Variants in HOXC12 observed in about 807,000 individuals in gnomAD.
HOXC12 encodes homeobox C12.
A neutral mutation model predicts 20.9 loss-of-function variants in HOXC12; 24 were observed. That is an observed-to-expected ratio of 1.15 (90% CI 0.83 to 1.61). HOXC12 has a LOEUF of 1.61. Ranked by LOEUF, HOXC12 falls within the 40% of genes most tolerant of loss-of-function variation. The probability of loss-of-function intolerance (pLI) is 0.00; values close to 1 mark genes in which losing one functional copy is unlikely to be tolerated. For missense variants in HOXC12, 436 were observed against 406.9 expected (o/e 1.07, Z -0.62); for synonymous variants, 202 against 197.7 (o/e 1.02, Z -0.18).
chr12:53,956,456 C>A lies in HOXC12; in HGVS notation c.739C>A (p.Leu247Ile), dbSNP rs757783848. 1.2e-6 allele frequency: 2 copies of A among 1,614,226 alleles called. No homozygotes were observed. The highest frequency in any genetic ancestry group is 2.2e-5 in the South Asian group (2 of 91,078). The change falls in exon 2 of 2, where the codon CTC becomes ATC. Residue 247 changes from leucine (L) to isoleucine (I), a missense_variant. Coordinates refer to ENST00000243103, the MANE Select transcript of HOXC12 (RefSeq NM_173860.3). ...EFITRQRRRE[L>I]SDRLNLSDQQ... ...CATCACACGCCAGCGCCGGAGGGAACTCTCAGACCGCTTGAATCTTAGTGA... is the reference window on the plus strand; with the variant it reads ...CATCACACGCCAGCGCCGGAGGGAAATCTCAGACCGCTTGAATCTTAGTGA...
At position 53,957,025 on chromosome 12, in the gene HOXC12, G is replaced by T. The variant is rs1338536600; in HGVS notation, c.*459G>T. On this transcript the variant is annotated 3_prime_UTR_variant, in exon 2 of 2. Coordinates refer to ENST00000243103, the MANE Select transcript of HOXC12 (RefSeq NM_173860.3). ...CTCACAGTTCCTGGGGTTAGAAGAG[G>T]CTGGGAAGAGAGAGGAGGGTGGAGG... The T allele has an allele frequency of 1.3e-5, 2 of 153,900 alleles. No individual in the cohort carries two copies. Among genetic ancestry groups the T allele is most frequent in the Middle Eastern group, 3.1e-3 (1 of 322 alleles). 9.5% of individuals were successfully genotyped at this position (153,900 alleles called of 1,614,324 possible).
rs770848175 is a variant in HOXC12, at chr12:53,956,590, C to A, written c.*24C>A. 1 of 1,550,394 alleles carries A rather than the reference C, an allele frequency of 6.4e-7. No homozygotes were observed. Among genetic ancestry groups the A allele is most frequent in the Non-Finnish European group, 8.8e-7 (1 of 1,138,198 alleles). ...AAGGTGCAGGACACGGGCGCCAGCC[C>A]CAGACTGAGCCTGTCCCTGGCAGAG... On this transcript the variant is annotated 3_prime_UTR_variant, in exon 2 of 2. Transcript: ENST00000243103.
Position 53,956,410 on chromosome 12 carries a change from C to A in HOXC12, c.693C>A (p.Gly231=). ...AGTTGCAACTGGCAGAGCTGGAGGG[C>A]GAGTTTCTGGTCAACGAGTTCATCA... ...YSKLQLAELE[G]EFLVNEFITR... Residue 231 remains glycine (G), a synonymous_variant, in exon 2 of 2, where the codon GGC becomes GGA. Coordinates refer to ENST00000243103, the MANE Select transcript of HOXC12 (RefSeq NM_173860.3). The A allele has an allele frequency of 6.2e-7, 1 of 1,613,772 alleles. No individual in the cohort carries two copies. Among genetic ancestry groups the A allele is most frequent in the Non-Finnish European group, 8.5e-7 (1 of 1,179,866 alleles).
Position 53,955,276 on chromosome 12 carries a change from C to T in HOXC12, c.347C>T (p.Pro116Leu), listed in dbSNP as rs1368049283. ...GLKREERGRD[P>L]GAGPGAALLP... ...AAGCGTGAGGAGCGCGGGCGCGACC[C>T]GGGAGCCGGGCCCGGGGCAGCGCTG... Residue 116 changes from proline (P) to leucine (L), a missense_variant, in exon 1 of 2, where the codon CCG becomes CTG. By Grantham distance (98) the Pro-to-Leu change is moderately conservative (BLOSUM62 -3). Coordinates refer to ENST00000243103, the MANE Select transcript of HOXC12 (RefSeq NM_173860.3). 1 of 1,445,012 alleles carries T rather than the reference C, an allele frequency of 6.9e-7. No individual in the cohort carries two copies. Among genetic ancestry groups the T allele is most frequent in the African/African-American group, 1.5e-5 (1 of 67,646 alleles). The allele number at this position is 1,445,012 out of a possible 1,614,324, so 89.5% of individuals were successfully genotyped here.
rs1176589350 is a variant in HOXC12 at position 53,956,817 on chromosome 12, G to T, written c.*251G>T. The stretch of plus-strand genomic sequence containing the variant: ...CCGGCAGCTGCCTGCGGTTGGCAGG[G>T]GCAGGAAGGCTGAGGTGCTGCGGGC... On this transcript the variant is annotated 3_prime_UTR_variant, in exon 2 of 2. Transcript: ENST00000243103. 1 of 393,690 alleles carries T rather than the reference G, an allele frequency of 2.5e-6. No homozygotes were observed. The highest frequency in any genetic ancestry group is 4.5e-6 in the Non-Finnish European group (1 of 222,686). 24.4% of individuals were successfully genotyped at this position (393,690 alleles called of 1,614,324 possible).
In HOXC12 at chr12:53,958,956, A is replaced by G. The variant is rs1468269696; in HGVS notation, c.*2390A>G. ...GATAATAATAATAATTAAAACATGA[A>G]TTATGATTATGTGATTTTTTGAAAA... On this transcript the variant is annotated 3_prime_UTR_variant, in exon 2 of 2. Transcript: ENST00000243103. 6.6e-6 allele frequency: 1 copy of G among 152,212 alleles called. No homozygotes were observed. The highest frequency in any genetic ancestry group is 1.5e-5 in the Non-Finnish European group (1 of 68,036). 9.4% of individuals were successfully genotyped at this position (152,212 alleles called of 1,614,324 possible). A position where few individuals can be genotyped will look rare whatever the true frequency, so the allele number is the denominator to read the frequency against.
rs34894813 is a variant in HOXC12 at position 53,955,301 on chromosome 12, G to C, written c.372G>C (p.Leu124=). The change falls in exon 1 of 2, where the codon CTG becomes CTC. Residue 124 remains leucine, a synonymous_variant. Coordinates refer to ENST00000243103, the MANE Select transcript of HOXC12 (RefSeq NM_173860.3). The stretch of plus-strand genomic sequence containing the variant: ...CGGGAGCCGGGCCCGGGGCAGCGCT[G>C]CTCCCGCTGGAGCCGTCGGGGCCGC... ...RDPGAGPGAA[L]LPLEPSGPPA... is the part of the protein sequence containing the mutation. 7,071 of 1,397,316 alleles carry C rather than the reference G, an allele frequency of 5.1e-3. 47 individuals carry two copies. Among genetic ancestry groups the C allele is most frequent in the Non-Finnish European group, 5.9e-3 (6,375 of 1,084,722 alleles). The allele number at this position is 1,397,316 out of a possible 1,614,324, so 86.6% of individuals were successfully genotyped here.
At chr12:53,956,294 C>T (rs1174797431) in intron 1 of HOXC12, 34 bp from the exon 2 acceptor site, 5 of 1,542,890 alleles carry the variant, frequency 3.2e-6, no homozygotes, top group Non-Finnish European at 4.4e-6. Context: ...CCCTTTGATC[C>T]TTTGGCCAAC....
chr12:53,955,860 C>G (rs567390199), intron 1 of HOXC12, among the ~76,000 whole-genome samples: 1 of 152,034 alleles, frequency 6.6e-6, no homozygotes, highest in African/African-American at 2.4e-5. Flanking sequence ...GGCGCCTCTC[C>G]CTCCACCTTC....
chr12:53,956,217 C>T, intron 1 of HOXC12, 111 bp from the exon 2 acceptor site: 1 of 795,130 alleles, frequency 1.3e-6, no homozygotes. Context: ...AGAGAAAGGG[C>T]CTGGAGTCCA....
chr12:53,955,028 G>C lies in HOXC12; in HGVS notation c.99G>C (p.Gly33=). The change falls in exon 1 of 2, where the codon GGG becomes GGC. Residue 33 remains glycine (G), a synonymous_variant. Transcript: ENST00000243103. The part of the protein sequence containing the change: ...TFYFPNFRAS[G]AQLPGLPSLS... The stretch of plus-strand genomic sequence containing the variant: ...ACTTCCCCAACTTCCGCGCGTCCGG[G>C]GCGCAGCTTCCCGGGCTGCCTTCGC... The C allele has an allele frequency of 1.2e-6, 2 of 1,614,118 alleles. No individual in the cohort carries two copies. Among genetic ancestry groups the C allele is most frequent in the Non-Finnish European group, 1.7e-6 (2 of 1,180,004 alleles).
rs769953521 is a variant in HOXC12, at chr12:53,956,473, T to G, written c.756T>G (p.Asn252Lys). The G allele has an allele frequency of 6.2e-7, 1 of 1,614,196 alleles. No homozygotes were observed. The highest frequency in any genetic ancestry group is 1.6e-4 in the Middle Eastern group (1 of 6,062). Residue 252 changes from asparagine (N) to lysine (K), a missense_variant, in exon 2 of 2, where the codon AAT becomes AAG. By Grantham distance (94) the Asn-to-Lys change is moderately conservative. Transcript: ENST00000243103. ...GGAGGGAACTCTCAGACCGCTTGAATCTTAGTGACCAGCAGGTCAAGATCT... is the reference window on the plus strand; with the variant it reads ...GGAGGGAACTCTCAGACCGCTTGAAGCTTAGTGACCAGCAGGTCAAGATCT... Reference protein sequence around the residue: ...QRRRELSDRLNLSDQQVKIWF... With the variant: ...QRRRELSDRLKLSDQQVKIWF...
Position 53,955,399 on chromosome 12 carries a change from C to T in HOXC12, c.470C>T (p.Pro157Leu), listed in dbSNP as rs1238877821. 6.6e-7 allele frequency: 1 copy of T among 1,506,688 alleles called. No individual in the cohort carries two copies. Among genetic ancestry groups the T allele is most frequent in the Admixed American group, 2.1e-5 (1 of 47,982 alleles). The allele number at this position is 1,506,688 out of a possible 1,614,324, so 93.3% of individuals were successfully genotyped here. The change falls in exon 1 of 2, where the codon CCG becomes CTG. Residue 157 changes from proline (P) to leucine (L), a missense_variant. Transcript: ENST00000243103. ...GACGGCGGCGGCGGCGCAGGACCTC[C>T]GCACGACCCGCCCTCCTGCCAGTCG... ...GGDGGGGAGP[P>L]HDPPSCQSLE...
chr12:53,955,031 G>T lies in HOXC12; in HGVS notation c.102G>T (p.Ala34=), dbSNP rs1343263523. Reference sequence around the variant, plus strand: ...TCCCCAACTTCCGCGCGTCCGGGGCGCAGCTTCCCGGGCTGCCTTCGCTGT... The same window carrying T: ...TCCCCAACTTCCGCGCGTCCGGGGCTCAGCTTCCCGGGCTGCCTTCGCTGT... ...FYFPNFRASG[A]QLPGLPSLSY... Residue 34 remains alanine (A), a synonymous_variant, in exon 1 of 2, where the codon GCG becomes GCT. Transcript: ENST00000243103. The T allele has an allele frequency of 6.2e-7, 1 of 1,614,062 alleles. No homozygotes were observed. The highest frequency in any genetic ancestry group is 8.5e-7 in the Non-Finnish European group (1 of 1,179,992).
chr12:53,956,572 A>G lies in HOXC12; in HGVS notation c.*6A>G, dbSNP rs749316497. 7 of 1,596,578 alleles carry G rather than the reference A, an allele frequency of 4.4e-6. No individual in the cohort carries two copies. The highest frequency in any genetic ancestry group is 1.7e-5 in the Admixed American group (1 of 57,798). On this transcript the variant is annotated 3_prime_UTR_variant, in exon 2 of 2. Coordinates refer to ENST00000243103, the MANE Select transcript of HOXC12 (RefSeq NM_173860.3). ...AAGCTCTCTCCTTCTTTTAAGGTGC[A>G]GGACACGGGCGCCAGCCCCAGACTG...
chr12:53,955,013 C>T lies in HOXC12; in HGVS notation c.84C>T (p.Asn28=). Residue 28 remains asparagine, a synonymous_variant, in exon 1 of 2, where the codon AAC becomes AAT. Coordinates refer to ENST00000243103, the MANE Select transcript of HOXC12 (RefSeq NM_173860.3). ...CGGGAGACACCTTCTACTTCCCCAACTTCCGCGCGTCCGGGGCGCAGCTTC... is the reference window on the plus strand; with the variant it reads ...CGGGAGACACCTTCTACTTCCCCAATTTCCGCGCGTCCGGGGCGCAGCTTC... ...IHTGDTFYFP[N]FRASGAQLPG... The T allele has an allele frequency of 1.9e-6, 3 of 1,614,232 alleles. No individual in the cohort carries two copies. The highest frequency in any genetic ancestry group is 2.2e-5 in the East Asian group (1 of 44,882).
chr12:53,955,001 C>T lies in HOXC12; in HGVS notation c.72C>T (p.Phe24=), dbSNP rs759519034. 1.2e-6 allele frequency: 2 copies of T among 1,614,272 alleles called. No individual in the cohort carries two copies. The highest frequency in any genetic ancestry group is 1.7e-5 in the Admixed American group (1 of 60,030). ...TAAACATCCACACGGGAGACACCTT[C>T]TACTTCCCCAACTTCCGCGCGTCCG... is the stretch of plus-strand genomic sequence containing the variant. ...PLVNIHTGDT[F]YFPNFRASGA... The change falls in exon 1 of 2, where the codon TTC becomes TTT. Residue 24 remains phenylalanine, a synonymous_variant. Transcript: ENST00000243103.
rs1938885406 is a variant in HOXC12 at position 53,957,408 on chromosome 12, G to A, written c.*842G>A. Reference sequence around the variant, plus strand: ...CAGCAAGCAGGGACCTGAGAGCCCAGGGGACACAGCCTCAGGTTCAGTAGC... The same window carrying A: ...CAGCAAGCAGGGACCTGAGAGCCCAAGGGACACAGCCTCAGGTTCAGTAGC... On this transcript the variant is annotated 3_prime_UTR_variant, in exon 2 of 2. Transcript: ENST00000243103. The A allele has an allele frequency of 2.0e-5, 3 of 152,454 alleles. No homozygotes were observed. Among genetic ancestry groups the A allele is most frequent in the Non-Finnish European group, 4.4e-5 (3 of 68,222 alleles). The allele number at this position is 152,454 out of a possible 1,614,324, so 9.4% of individuals were successfully genotyped here. A position where few individuals can be genotyped will look rare whatever the true frequency, so the allele number is the denominator to read the frequency against.
rs954136906 is a variant in HOXC12 at position 53,956,723 on chromosome 12, C to T, written c.*157C>T. 1.7e-6 allele frequency: 1 copy of T among 590,188 alleles called. No homozygotes were observed. Among genetic ancestry groups the T allele is most frequent in the African/African-American group, 1.9e-5 (1 of 52,844 alleles). The allele number at this position is 590,188 out of a possible 1,614,324, so 36.6% of individuals were successfully genotyped here. On this transcript the variant is annotated 3_prime_UTR_variant, in exon 2 of 2. Coordinates refer to ENST00000243103, the MANE Select transcript of HOXC12 (RefSeq NM_173860.3). The stretch of plus-strand genomic sequence containing the variant: ...GTCTGTTTTGTTCGTGGTTCCCTCC[C>T]ATACACACCCAAAACACCCTGCCAG...
Sources: allele counts gnomAD v4.1 joint callset (sites outside exome capture counted in the v4.1 genomes callset), GRCh38; gene constraint gnomAD v4.1.1; transcripts MANE v1.5; gene names NCBI Gene and HGNC (gene_info 2026-07-23, HGNC 2026-07-21).